The following BANP variants were observed in gnomAD, a reference collection of about 807,000 sequenced individuals.
The protein encoded by BANP is BTG3 associated nuclear protein, also known as protein BANP.
In BANP, 11 loss-of-function variants were observed where a neutral mutation model predicts 68.1. The ratio of observed to expected loss-of-function variants is 0.16; its 90% CI spans 0.10 to 0.27. The LOEUF is 0.27. Ranked by LOEUF, BANP falls within the 10% of genes least tolerant of loss-of-function variation. The pLI, the probability that BANP is intolerant of heterozygous loss-of-function variation, is 1.00. For synonymous variants in BANP, 329 were observed against 303.2 expected (o/e 1.09, Z -0.88); for missense variants, 504 against 722.7 (o/e 0.70, Z 3.47).
intron 1 of BANP, among the ~76,000 whole-genome samples, chr16:87,958,855 A>G (rs1221230569): frequency 6.6e-6 from 1 of 152,270 alleles, no homozygotes. Flanking sequence ...GCTCAGCGGC[A>G]CAAACTCACA....
chr16:87,985,432 C>T lies in BANP; in HGVS notation c.362+1173C>T, dbSNP rs116465118. 8.7e-3 allele frequency among the ~76,000 whole-genome samples: 1,331 copies of T among 152,256 alleles called. 15 individuals are homozygous for T. Among genetic ancestry groups the T allele is most frequent in the African/African-American group, 0.03 (1,265 of 41,548 alleles). ...CCAGCAGGAGTTTGTTTACCGTGTCCTCTGTGCAGGGACGCTGTTGGGCTC... is the reference window on the plus strand; with the variant it reads ...CCAGCAGGAGTTTGTTTACCGTGTCTTCTGTGCAGGGACGCTGTTGGGCTC... On this transcript the variant is annotated intron_variant, in intron 4 of 13. Transcript: ENST00000682872.
intron 2 of BANP, among the ~76,000 whole-genome samples, chr16:87,975,920 A>T (rs913788081): frequency 6.9e-6 from 1 of 144,346 alleles, no homozygotes; most frequent in African/African-American, 2.6e-5. Context: ...GAACCTTACC[A>T]TGTGGTGTGT....
Position 88,057,402 on chromosome 16 carries a change from G to A in BANP, c.1312-7865G>A, listed in dbSNP as rs748693696. On this transcript the variant is annotated intron_variant, in intron 11 of 13. Transcript: ENST00000682872. This position sits in a 1 kb window ranked among gnomAD's most constrained non-coding sequence, Gnocchi z 4.6. ...CGTTACTGCTGCACCAGGATTCCTG[G>A]CCTCCAGAGGAAGGATGGTGGCTGA... is the stretch of plus-strand genomic sequence containing the variant. Among the ~76,000 whole-genome samples the A allele has an allele frequency of 2.0e-5, 3 of 152,172 alleles. No homozygotes were observed. The highest frequency in any genetic ancestry group is 2.1e-4 in the South Asian group (1 of 4,826).
chr16:87,958,424 C>T (rs2058514901), intron 1 of BANP, among the ~76,000 whole-genome samples: 1 of 152,188 alleles, frequency 6.6e-6, no homozygotes, highest in South Asian at 2.1e-4. Flanking sequence ...TCGTAGGCCC[C>T]AGTCGAGAGC....
At chr16:87,961,563 G>A (rs1015331317) in intron 1 of BANP, among the ~76,000 whole-genome samples, 3 of 152,292 alleles carry the variant, frequency 2.0e-5, no homozygotes. Context: ...CAATTAAGCC[G>A]GGCATTAGAA....
At chr16:88,069,062 C>T (rs977849661) in intron 12 of BANP, among the ~76,000 whole-genome samples, 16 of 152,180 alleles carry the variant, frequency 1.1e-4, no homozygotes, top group Non-Finnish European at 1.6e-4. Flanking sequence ...ATGGAGGGCG[C>T]TCCAGTGGGC....
chr16:87,999,143 T>C (rs1234883817), intron 4 of BANP, among the ~76,000 whole-genome samples: 28 of 111,732 alleles, frequency 2.5e-4, no homozygotes, highest in Middle Eastern at 8.5e-3. Context: ...TGCACGTGCA[T>C]GGCTGTACTT....
rs771870176 is a variant in BANP, at chr16:88,004,806, A to G, written c.479+395A>G. 6.6e-6 allele frequency among the ~76,000 whole-genome samples: 1 copy of G among 152,188 alleles called. No homozygotes were observed. The highest frequency in any genetic ancestry group is 2.4e-5 in the African/African-American group (1 of 41,448). ...CCCACGGTTGCTAAGTGGTGCAGGC[A>G]TGTTGAGTTTATGACTTTTTTCTTA... is the stretch of plus-strand genomic sequence containing the variant. On this transcript the variant is annotated intron_variant, in intron 5 of 13. Transcript: ENST00000682872. The surrounding 1 kb of genome is among the most constrained non-coding windows in gnomAD (Gnocchi z 7.0).
intron 5 of BANP, among the ~76,000 whole-genome samples, chr16:88,005,636 C>T (rs1444299147): frequency 2.6e-5 from 4 of 152,188 alleles, no homozygotes; most frequent in African/African-American, 7.2e-5. Flanking sequence ...CGTGGGCGTA[C>T]GTGGGAGTGC....
At chr16:87,951,927 C>T (rs2056978210) in intron 1 of BANP, among the ~76,000 whole-genome samples, 1 of 152,182 alleles carries the variant, frequency 6.6e-6, no homozygotes, top group Admixed American at 6.5e-5. Flanking sequence ...AAGGGGGTCG[C>T]TCCTGCCAGC....
At position 88,004,529 on chromosome 16, in the gene BANP, G is replaced by T; in HGVS notation, c.479+118G>T. 4.7e-6 allele frequency: 3 copies of T among 641,694 alleles called. No homozygotes were observed. The highest frequency in any genetic ancestry group is 7.9e-6 in the Non-Finnish European group (3 of 380,876). 39.8% of individuals were successfully genotyped at this position (641,694 alleles called of 1,614,324 possible). On this transcript the variant is annotated intron_variant, in intron 5 of 13. Coordinates refer to ENST00000682872, the MANE Select transcript of BANP (RefSeq NM_001386991.1). This position sits in a 1 kb window ranked among gnomAD's most constrained non-coding sequence, Gnocchi z 7.0. ...CACACGCTTCATCTCTGTGGTCACA[G>T]GGTTGAGCCTGGCAGGCACCGCCCC...
chr16:87,995,200 T>G (rs945086154), intron 4 of BANP, among the ~76,000 whole-genome samples: 1 of 152,264 alleles, frequency 6.6e-6, no homozygotes, highest in African/African-American at 2.4e-5. Context: ...GCAGTCTGGA[T>G]GTGCGGGGGC....
chr16:87,988,290 G>C (rs1028239800), intron 4 of BANP, among the ~76,000 whole-genome samples: 6 of 152,096 alleles, frequency 3.9e-5, no homozygotes, highest in African/African-American at 7.2e-5. Flanking sequence ...TTGAGATGGA[G>C]TCTCGCTCTG....
At chr16:88,020,059 AACTCCTGGG>A in intron 7 of BANP, among the ~76,000 whole-genome samples, 1 of 152,334 alleles carries the variant, frequency 6.6e-6, no homozygotes, top group African/African-American at 2.4e-5. Context: ...AGTATCAGAT[AACTCCTGGG>A]AGACCACACG....
intron 4 of BANP, among the ~76,000 whole-genome samples, chr16:87,995,822 C>T (rs1228994727): frequency 3.9e-5 from 6 of 152,342 alleles, no homozygotes; most frequent in South Asian, 4.1e-4. Flanking sequence ...TTGGGCTCGG[C>T]GGGGCGCCAA....
chr16:88,019,231 G>T (rs2075307218), intron 7 of BANP, among the ~76,000 whole-genome samples: 1 of 152,180 alleles, frequency 6.6e-6, no homozygotes, highest in Admixed American at 6.5e-5. Flanking sequence ...TCCAGGTGGC[G>T]ATTGCGGTAC....
chr16:87,981,359 C>T (rs1015356965), intron 3 of BANP, among the ~76,000 whole-genome samples: 8 of 152,236 alleles, frequency 5.3e-5, no homozygotes, highest in Admixed American at 1.3e-4. Flanking sequence ...GCTTGTGGGG[C>T]TCCTTCCAGC....
chr16:87,975,206 A>G (rs1486853916), intron 2 of BANP, 21 bp downstream of exon 2: 1 of 1,612,006 alleles, frequency 6.2e-7, no homozygotes, highest in Non-Finnish European at 8.5e-7. Context: ...GTGGGACAGT[A>G]GGTGAAATAT....
At chr16:88,019,689 TCCGGGATCTCAGC>T (rs2075569671) in intron 7 of BANP, among the ~76,000 whole-genome samples, 1 of 47,474 alleles carries the variant, frequency 2.1e-5, no homozygotes, top group Admixed American at 2.7e-4. Flanking sequence ...GGGCGGGGCG[TCCGGGATCTCAGC>T]GTGCGGGGGG....
Sources: gnomAD v4.1 joint callset for allele counts (sites outside exome capture counted in the v4.1 genomes callset) on GRCh38, gnomAD v4.1.1 for gene constraint, Gnocchi (gnomAD v3.1) non-coding constraint, MANE v1.5 for transcripts, NCBI Gene and HGNC (gene_info 2026-07-23, HGNC 2026-07-21) for gene names.